MYRIP: variants seen among roughly 807,000 people sequenced by gnomAD.
MYRIP encodes myosin VIIA and Rab interacting protein, also known as rab effector MyRIP.
Under a neutral mutation model 98.0 loss-of-function variants are expected in MYRIP, and 49 were observed. The ratio of observed to expected loss-of-function variants is 0.50; its 90% CI spans 0.40 to 0.63. The LOEUF is 0.63. MYRIP is among the 30% of genes least tolerant of loss of function. The probability of loss-of-function intolerance (pLI) is 0.00; values close to 1 mark genes in which losing one functional copy is unlikely to be tolerated. For synonymous variants in MYRIP, 404 were observed against 409.5 expected (o/e 0.99, Z 0.16); for missense variants, 1,004 against 1,058.2 (o/e 0.95, Z 0.71).
intron 2 of MYRIP, among the ~76,000 whole-genome samples, chr3:39,908,894 G>A (rs902626918): frequency 3.9e-5 from 6 of 152,204 alleles, no homozygotes; most frequent in African/African-American, 1.4e-4. Flanking sequence ...TGCACAGAGT[G>A]CATTTGCCTG....
intron 2 of MYRIP, among the ~76,000 whole-genome samples, chr3:40,043,135 T>C (rs1269121519): frequency 6.6e-6 from 1 of 152,332 alleles, no homozygotes; most frequent in East Asian, 1.9e-4. Flanking sequence ...ACTGTGTTTT[T>C]CTATTATAAT....
At chr3:39,923,863 C>A (rs1415422473) in intron 2 of MYRIP, among the ~76,000 whole-genome samples, 1 of 151,880 alleles carries the variant, frequency 6.6e-6, no homozygotes, top group Non-Finnish European at 1.5e-5. Flanking sequence ...GGTAAAGGAA[C>A]ATAAAGGAAG....
chr3:40,217,533 C>T (rs907148783), intron 11 of MYRIP, among the ~76,000 whole-genome samples: 5 of 151,976 alleles, frequency 3.3e-5, no homozygotes, highest in African/African-American at 9.7e-5. Flanking sequence ...TCATAAAATA[C>T]TCATAAATAC....
At chr3:39,869,277 A>T (rs1366670859) in intron 1 of MYRIP, among the ~76,000 whole-genome samples, 2 of 152,116 alleles carry the variant, frequency 1.3e-5, no homozygotes, top group Non-Finnish European at 2.9e-5. Context: ...AATTGTTCAG[A>T]CTAATCTGAA....
chr3:40,257,621 C>T (rs148230086), intron 16 of MYRIP, among the ~76,000 whole-genome samples: 3 of 152,160 alleles, frequency 2.0e-5, no homozygotes, highest in East Asian at 1.9e-4. Context: ...ATAAAAAACT[C>T]GGTGAAATTT....
chr3:40,240,470 C>T (rs1275630909), intron 12 of MYRIP, among the ~76,000 whole-genome samples: 1 of 152,228 alleles, frequency 6.6e-6, no homozygotes, highest in East Asian at 1.9e-4. Context: ...CGAGGCATTG[C>T]CTCACTCGGG....
At chr3:39,854,824 A>G (rs978796120) in intron 1 of MYRIP, among the ~76,000 whole-genome samples, 1 of 152,134 alleles carries the variant, frequency 6.6e-6, no homozygotes, top group Non-Finnish European at 1.5e-5. Flanking sequence ...CCTTTGTTCC[A>G]TAGGGTGATC....
At position 39,936,687 on chromosome 3, in the gene MYRIP, G is replaced by A. The variant is rs548702780; in HGVS notation, c.110+35761G>A. ...CAGCATGCAGAAATATGCTTGCACC[G>A]TAATACACAAAGACTCCCCGACGTG... On this transcript the variant is annotated intron_variant, in intron 2 of 16. Transcript: ENST00000302541. 2.6e-5 allele frequency among the ~76,000 whole-genome samples: 4 copies of A among 152,250 alleles called. No homozygotes were observed. The South Asian group carries it at 8.3e-4, about 32-fold the overall frequency.
Position 39,978,897 on chromosome 3 carries a change from T to C in MYRIP, c.111-65153T>C, listed in dbSNP as rs138390754. ...CTCCTTTATGTTCTAAGCTGTAGCATTTTTTCACTTTCAACATGATATTTG... is the reference window on the plus strand; with the variant it reads ...CTCCTTTATGTTCTAAGCTGTAGCACTTTTTCACTTTCAACATGATATTTG... On this transcript the variant is annotated intron_variant, in intron 2 of 16. Transcript: ENST00000302541. Among the ~76,000 whole-genome samples the C allele has an allele frequency of 5.5e-3, 842 of 152,214 alleles. 7 individuals are homozygous for C. The highest frequency in any genetic ancestry group is 0.019 in the African/African-American group (801 of 41,518).
chr3:39,822,203 C>A (rs1410906224), intron 1 of MYRIP, among the ~76,000 whole-genome samples: 1 of 152,074 alleles, frequency 6.6e-6, no homozygotes, highest in Non-Finnish European at 1.5e-5. Flanking sequence ...AATAATTATA[C>A]ATATTTATGG....
intron 11 of MYRIP, among the ~76,000 whole-genome samples, chr3:40,223,057 A>G (rs1952381558): frequency 6.6e-6 from 1 of 152,254 alleles, no homozygotes; most frequent in Non-Finnish European, 1.5e-5. Context: ...CCATAATAAG[A>G]GCAAAAAATG....
At chr3:40,216,726 C>G (rs1952131844) in intron 11 of MYRIP, among the ~76,000 whole-genome samples, 1 of 152,144 alleles carries the variant, frequency 6.6e-6, no homozygotes, top group South Asian at 2.1e-4. Flanking sequence ...GGAAAACCCT[C>G]TCAGTGTAAT....
chr3:40,019,619 C>A (rs757315354), intron 2 of MYRIP, among the ~76,000 whole-genome samples: 2 of 152,052 alleles, frequency 1.3e-5, no homozygotes, highest in African/African-American at 4.8e-5. Flanking sequence ...CAGCACCTGG[C>A]AGAGAGCCAG....
intron 2 of MYRIP, among the ~76,000 whole-genome samples, chr3:39,957,341 G>A (rs1945194404): frequency 6.6e-6 from 1 of 150,468 alleles, no homozygotes; most frequent in South Asian, 2.1e-4. Flanking sequence ...TGATCAAGTG[G>A]GCTTCATCCC....
chr3:40,133,946 C>A (rs901451635), intron 3 of MYRIP, among the ~76,000 whole-genome samples: 2 of 152,162 alleles, frequency 1.3e-5, no homozygotes, highest in Non-Finnish European at 2.9e-5. Flanking sequence ...CTACAGCTCC[C>A]AGCATGAGCG....
chr3:40,087,643 C>T (rs1008854853), intron 3 of MYRIP, among the ~76,000 whole-genome samples: 10 of 152,056 alleles, frequency 6.6e-5, no homozygotes, highest in Non-Finnish European at 1.3e-4. Flanking sequence ...TAGTGTTTGC[C>T]GATTTCCACT....
At chr3:39,825,691 G>A (rs1941242551) in intron 1 of MYRIP, among the ~76,000 whole-genome samples, 2 of 152,076 alleles carry the variant, frequency 1.3e-5, no homozygotes, top group South Asian at 2.1e-4. Flanking sequence ...ATGCTGGCCT[G>A]GCAAAATGAG....
chr3:40,024,094 A>G (rs537839735), intron 2 of MYRIP, among the ~76,000 whole-genome samples: 2 of 152,260 alleles, frequency 1.3e-5, no homozygotes, highest in South Asian at 2.1e-4. Context: ...GACATGTGGA[A>G]CCTGACTTTA....
At chr3:39,972,947 G>A (rs1046256038) in intron 2 of MYRIP, among the ~76,000 whole-genome samples, 1 of 151,876 alleles carries the variant, frequency 6.6e-6, no homozygotes, top group African/African-American at 2.4e-5. Flanking sequence ...TGTTTTGGAA[G>A]TAGAAATAAT....
Sources: allele counts gnomAD v4.1 joint callset (sites outside exome capture counted in the v4.1 genomes callset), GRCh38; gene constraint gnomAD v4.1.1; transcripts MANE v1.5; gene names NCBI Gene and HGNC (gene_info 2026-07-23, HGNC 2026-07-21).